The following GEMIN8 variants were observed in gnomAD, a reference collection of about 807,000 sequenced individuals.
The protein encoded by GEMIN8 is gem-associated protein 8.
For synonymous variants in GEMIN8, 80 were observed against 78.5 expected (o/e 1.02, Z -0.10); for missense variants, 185 against 205.9 (o/e 0.90, Z 0.62).
the GEMIN8 span, among the ~76,000 whole-genome samples, chrX:13,990,044 C>T: frequency 8.9e-6 from 1 of 112,614 alleles, no homozygotes; most frequent in African/African-American, 3.2e-5. Flanking sequence ...GGCTGTTGGG[C>T]ACCTGAAATG....
rs1239597244 is a variant in GEMIN8 at position 14,021,816 on chromosome X, A to ATATATATATATATATATATATATATATAG, written c.-33-334_-33-306dup. 2.6e-3 allele frequency among the ~76,000 whole-genome samples: 100 copies of ATATATATATATATATATATATATATATAG among 39,167 alleles called. 1 individual carries two copies. Among genetic ancestry groups the ATATATATATATATATATATATATATATAG allele is most frequent in the Non-Finnish European group, 4.2e-3 (90 of 21,438 alleles). The allele number at this position is 39,167 out of a possible 115,157, so 34.0% of individuals were successfully genotyped here. On this transcript the variant is annotated intron_variant, in intron 2 of 4. Transcript: ENST00000680255. ...AATATTTAGTAGTTAATGTGTGTGT[A>ATATATATATATATATATATATATATATAG]TATATATATATATATATATATATAT...
Position 14,008,926 on chromosome X carries a change from G to A in GEMIN8, c.716C>T (p.Pro239Leu), listed in dbSNP as rs1453043641. ...TGTGCCCTGAGCTCAGAACTTCAGG[G>A]GGATGACCGGCCAGTACTTGGGCTG... ...RKQPKYWPVI[P>L]LKF The change falls in exon 5 of 5, where the codon CCC (proline) becomes CTC (leucine). Residue 239 changes from proline (P) to leucine (L), a missense_variant. Pro to Leu is a moderately conservative substitution (Grantham distance 98). Transcript: ENST00000680255. 8.3e-7 allele frequency: 1 copy of A among 1,209,219 alleles called. No individual in the cohort carries two copies. The highest frequency in any genetic ancestry group is 1.1e-6 in the Non-Finnish European group (1 of 894,311).
At chrX:13,994,343 C>T in the GEMIN8 span, among the ~76,000 whole-genome samples, 1 of 111,600 alleles carries the variant, frequency 9.0e-6, no homozygotes, top group African/African-American at 3.3e-5. Flanking sequence ...TTCCGGGAAG[C>T]TGAGCCCAGA....
intron 2 of GEMIN8, 57 bp downstream of exon 2, chrX:14,026,083 C>G: frequency 1.3e-6 from 1 of 748,240 alleles, no homozygotes; most frequent in African/African-American, 2.3e-5. Context: ...ATGGTTGCTG[C>G]AGATTTAGAT....
the GEMIN8 span, among the ~76,000 whole-genome samples, chrX:13,990,562 G>A: frequency 8.9e-6 from 1 of 112,449 alleles, no homozygotes; most frequent in Non-Finnish European, 1.9e-5. Flanking sequence ...GTCACCCACA[G>A]TGCCTGCCTC....
chrX:14,013,968 C>T (rs947034515), intron 4 of GEMIN8: 1 of 708,633 alleles, frequency 1.4e-6, no homozygotes. Context: ...TTTTTCACAT[C>T]AATCTATTTG....
the GEMIN8 span, among the ~76,000 whole-genome samples, chrX:13,985,837 T>C: frequency 1.8e-5 from 2 of 111,701 alleles, no homozygotes. Flanking sequence ...GATATGCATG[T>C]CTACCATAAA....
chrX:14,020,270 T>G lies in GEMIN8; in HGVS notation c.280A>C (p.Arg94=), dbSNP rs767611226. Residue 94 remains arginine (R), a synonymous_variant, in exon 4 of 5, where the codon AGA becomes CGA. Coordinates refer to ENST00000680255, the MANE Select transcript of GEMIN8 (RefSeq NM_001042479.2). ...TAACGTGGATGCTGCCCAGATCTTC[T>G]GAAATGTGAAGAACTGCAGGGGTAG... is the stretch of plus-strand genomic sequence containing the variant. The part of the protein sequence containing the change: ...QDYPCSSSHF[R]RSGQHPRYSS... 5.8e-6 allele frequency: 7 copies of G among 1,209,229 alleles called. No homozygotes were observed. In the African/African-American group the frequency reaches 1.2e-4, roughly 21 times the overall value.
At chrX:13,985,929 T>C in the GEMIN8 span, among the ~76,000 whole-genome samples, 1 of 111,578 alleles carries the variant, frequency 9.0e-6, no homozygotes, top group Non-Finnish European at 1.9e-5. Flanking sequence ...ATGCCTTTTA[T>C]GGTTTCTTTT....
At chrX:14,010,592 G>A (rs1357871100) in intron 4 of GEMIN8, among the ~76,000 whole-genome samples, 5 of 112,381 alleles carry the variant, frequency 4.4e-5, no homozygotes, top group Non-Finnish European at 9.4e-5. Flanking sequence ...ATGCATAGTC[G>A]CTCGCATAAA....
rs57641105 is a variant in GEMIN8 at position 14,016,908 on chromosome X, C to T, written c.472+3170G>A. 5.1e-3 allele frequency among the ~76,000 whole-genome samples: 434 copies of T among 84,297 alleles called. 9 individuals carry two copies. The East Asian group carries it at 0.098, about 19-fold the overall frequency. The allele number at this position is 84,297 out of a possible 115,157, so 73.2% of individuals were successfully genotyped here. A position where few individuals can be genotyped will look rare whatever the true frequency, so the allele number is the denominator to read the frequency against. On this transcript the variant is annotated intron_variant, in intron 4 of 4. Transcript: ENST00000680255. ...ATATATATATGTACAGAATCTCAAT[C>T]AAGCACTAATCAAGGCAAACGGTAT...
intron 4 of GEMIN8, chrX:14,013,902 T>C (rs1923733384): frequency 2.9e-6 from 2 of 692,658 alleles, no homozygotes; most frequent in Non-Finnish European, 3.4e-6. Context: ...AGGCATGTAT[T>C]ATTAAGGAAA....
the GEMIN8 span, among the ~76,000 whole-genome samples, chrX:13,990,652 A>C: frequency 8.9e-6 from 1 of 112,831 alleles, no homozygotes; most frequent in Non-Finnish European, 1.9e-5. Context: ...TTTTGCATAC[A>C]TAAGTATAAA....
chrX:14,021,959 T>C (rs1310300473), intron 2 of GEMIN8, among the ~76,000 whole-genome samples: 1 of 98,398 alleles, frequency 1.0e-5, no homozygotes, highest in Non-Finnish European at 2.0e-5. Flanking sequence ...TATATGTATG[T>C]ATACACATAT....
At chrX:13,984,793 T>C in the GEMIN8 span, among the ~76,000 whole-genome samples, 1 of 111,413 alleles carries the variant, frequency 9.0e-6, no homozygotes, top group Non-Finnish European at 1.9e-5. Flanking sequence ...ATTGTGTGTG[T>C]CTGGGGCTTA....
At chrX:14,014,396 A>G (rs1923771757) in intron 4 of GEMIN8, 3 of 753,258 alleles carry the variant, frequency 4.0e-6, no homozygotes, top group Non-Finnish European at 3.1e-6. Context: ...CCCTTGCCCC[A>G]TGACAAATGT....
intron 1 of GEMIN8, among the ~76,000 whole-genome samples, chrX:14,028,073 T>C (rs764997614): frequency 5.3e-5 from 6 of 112,301 alleles, no homozygotes; most frequent in Non-Finnish European, 1.1e-4. Flanking sequence ...TCAAATTTAC[T>C]TTTTTCTATA....
the GEMIN8 span, among the ~76,000 whole-genome samples, chrX:13,990,668 A>G: frequency 8.0e-5 from 9 of 112,623 alleles, no homozygotes; most frequent in Non-Finnish European, 1.3e-4. Context: ...ATAAATGCAT[A>G]TATGTAAAGA....
intron 2 of GEMIN8, among the ~76,000 whole-genome samples, chrX:14,022,308 T>C (rs1924429220): frequency 9.1e-6 from 1 of 110,423 alleles, no homozygotes; most frequent in East Asian, 2.9e-4. Flanking sequence ...GGGCTTTAAG[T>C]TCCCCAAATG....
Sources: allele counts gnomAD v4.1 joint callset (sites outside exome capture counted in the v4.1 genomes callset), GRCh38; gene constraint gnomAD v4.1.1; transcripts MANE v1.5; gene names NCBI Gene and HGNC (gene_info 2026-07-23, HGNC 2026-07-21).